Variants in PRKCH observed in about 807,000 individuals in gnomAD.
The protein encoded by PRKCH is protein kinase C eta.
In PRKCH, 28 loss-of-function variants were observed where a neutral mutation model predicts 82.5. The observed-to-expected ratio is 0.34, with a 90% CI of 0.25 to 0.47. PRKCH has a LOEUF of 0.47. Among genes scored for constraint, PRKCH ranks in the 20% least tolerant of loss-of-function variants. The pLI is 1.00. For missense variants in PRKCH, 705 were observed against 881.8 expected (o/e 0.80, Z 2.54); for synonymous variants, 322 against 327.4 (o/e 0.98, Z 0.18).
intron 4 of PRKCH, among the ~76,000 whole-genome samples, chr14:61,447,211 T>C (rs1884268406): frequency 6.6e-6 from 1 of 152,266 alleles, no homozygotes; most frequent in Admixed American, 6.5e-5. Context: ...CATTTTTATT[T>C]GTTTTGTTTT....
At chr14:61,222,888 T>G (rs2044666073) in intron 1 of PRKCH, among the ~76,000 whole-genome samples, 2 of 152,202 alleles carry the variant, frequency 1.3e-5, no homozygotes, top group African/African-American at 4.8e-5. Flanking sequence ...TGTTTCCACA[T>G]TTTATTCCCA....
intron 2 of PRKCH, among the ~76,000 whole-genome samples, chr14:61,393,904 C>G (rs1379541008): frequency 6.6e-6 from 1 of 152,220 alleles, no homozygotes; most frequent in Non-Finnish European, 1.5e-5. Context: ...CAGATTCTCT[C>G]TAGTTTGTAT....
At chr14:61,334,044 G>C (rs2045822301) in intron 1 of PRKCH, among the ~76,000 whole-genome samples, 1 of 152,134 alleles carries the variant, frequency 6.6e-6, no homozygotes, top group South Asian at 2.1e-4. Flanking sequence ...TGGAAACTGA[G>C]CTGAATGGAG....
intron 9 of PRKCH, among the ~76,000 whole-genome samples, chr14:61,474,809 C>G (rs1382102834): frequency 6.6e-6 from 1 of 152,146 alleles, no homozygotes; most frequent in African/African-American, 2.4e-5. Flanking sequence ...TTTGTCATGG[C>G]TACAGTGGAG....
chr14:61,368,408 A>G lies in PRKCH; in HGVS notation c.364-22817A>G, dbSNP rs553995406. ...GACAGGGAAAAGGCCCTGTACTGCC[A>G]TGTCCTCCCCTCTGGCTGCTTCATG... On this transcript the variant is annotated intron_variant, in intron 1 of 13. Transcript: ENST00000332981. Among the ~76,000 whole-genome samples the G allele has an allele frequency of 2.8e-3, 426 of 151,916 alleles. 4 individuals are homozygous for G. The highest frequency in any genetic ancestry group is 9.5e-3 in the African/African-American group (394 of 41,370).
At chr14:61,518,669 G>A (rs1260577196) in intron 10 of PRKCH, among the ~76,000 whole-genome samples, 1 of 152,122 alleles carries the variant, frequency 6.6e-6, no homozygotes, top group Non-Finnish European at 1.5e-5. Context: ...CTCAACTTAA[G>A]TTGGTCCTGT....
At position 61,549,763 on chromosome 14, in the gene PRKCH, C is replaced by T. The variant is rs1198214032; in HGVS notation, c.1984C>T (p.His662Tyr). ...EPVLTPIDEG[H>Y]LPMINQDEFR... ...AGTTTTAACTCCAATTGATGAGGGA[C>T]ATCTTCCAATGATTAACCAGGATGA... The change falls in exon 14 of 14, where the codon CAT becomes TAT. Residue 662 changes from histidine (H) to tyrosine (Y), a missense_variant. His to Tyr is a moderately conservative substitution (Grantham distance 83). Around this residue, in one of 5 missense-constraint regions of PRKCH, gnomAD observed 91 missense variants for 81.2 expected, o/e 1.12. Coordinates refer to ENST00000332981, the MANE Select transcript of PRKCH (RefSeq NM_006255.5). The T allele has an allele frequency of 1.2e-6, 2 of 1,613,970 alleles. No individual in the cohort carries two copies. The highest frequency in any genetic ancestry group is 2.2e-5 in the South Asian group (2 of 91,072).
rs553975549 is a variant in PRKCH at position 61,329,280 on chromosome 14, A to G, written c.363+6816A>G. Among the ~76,000 whole-genome samples the G allele has an allele frequency of 2.8e-3, 299 of 107,582 alleles. 1 individual carries two copies. Among genetic ancestry groups the G allele is most frequent in the Middle Eastern group, 0.012 (1 of 84 alleles). The allele number at this position is 107,582 out of a possible 152,430, so 70.6% of individuals were successfully genotyped here. A position where few individuals can be genotyped will look rare whatever the true frequency, so the allele number is the denominator to read the frequency against. Reference sequence around the variant, plus strand: ...GAGACAGAATCTCTCTCTGTTGCCCAGGCTGGAGTACAGTGGCACGATCTC... The same window carrying G: ...GAGACAGAATCTCTCTCTGTTGCCCGGGCTGGAGTACAGTGGCACGATCTC... On this transcript the variant is annotated intron_variant, in intron 1 of 13. Coordinates refer to ENST00000332981, the MANE Select transcript of PRKCH (RefSeq NM_006255.5).
At chr14:61,234,200 G>A (rs769291721) in intron 1 of PRKCH, among the ~76,000 whole-genome samples, 2 of 152,124 alleles carry the variant, frequency 1.3e-5, no homozygotes, top group Non-Finnish European at 2.9e-5. Context: ...CCCCTATTAG[G>A]TCTTTAGAAA....
At chr14:61,507,338 T>C (rs541885457) in intron 10 of PRKCH, among the ~76,000 whole-genome samples, 1 of 152,072 alleles carries the variant, frequency 6.6e-6, no homozygotes, top group South Asian at 2.1e-4. Context: ...TTGGTGGAAA[T>C]GTAAATTGGT....
intron 1 of PRKCH, among the ~76,000 whole-genome samples, chr14:61,206,807 A>G (rs2044527697): frequency 6.7e-6 from 1 of 148,556 alleles, no homozygotes; most frequent in Admixed American, 6.6e-5. Flanking sequence ...GATTAGAAAA[A>G]GAAAAAAAAA....
At chr14:61,263,828 AG>A (rs2045071160) in intron 1 of PRKCH, among the ~76,000 whole-genome samples, 1 of 150,734 alleles carries the variant, frequency 6.6e-6, no homozygotes, top group South Asian at 2.1e-4. Context: ...TCTAAGGAAA[AG>A]CATCTGAAGT....
chr14:61,267,391 C>T (rs561884083), intron 1 of PRKCH, among the ~76,000 whole-genome samples: 68 of 152,304 alleles, frequency 4.5e-4, no homozygotes, highest in South Asian at 2.5e-3. Flanking sequence ...AATATTCTCA[C>T]TCTTCTGACA....
chr14:61,352,658 AAGAGAG>A (rs113969377), intron 1 of PRKCH, among the ~76,000 whole-genome samples: 50 of 139,042 alleles, frequency 3.6e-4, no homozygotes, highest in African/African-American at 6.5e-4. Context: ...GAAAGAAAGA[AAGAGAG>A]AGAGAGAGAG....
intron 2 of PRKCH, among the ~76,000 whole-genome samples, chr14:61,409,792 A>G (rs996179413): frequency 1.6e-4 from 24 of 150,864 alleles, no homozygotes; most frequent in Non-Finnish European, 8.9e-5. Flanking sequence ...AGTAGATTGT[A>G]TATGCTACTT....
chr14:61,225,443 G>A (rs775006977), intron 1 of PRKCH, among the ~76,000 whole-genome samples: 17 of 152,190 alleles, frequency 1.1e-4, no homozygotes, highest in Middle Eastern at 3.2e-3. Context: ...TGGACTGGAT[G>A]GACCCAAGCA....
At chr14:61,451,000 C>G (rs1884484646) in intron 6 of PRKCH, 29 bp downstream of exon 6, 1 of 1,610,694 alleles carries the variant, frequency 6.2e-7, no homozygotes. Context: ...GGGTACCCAC[C>G]TCTTCATGGG....
At chr14:61,461,198 C>T (rs1339350288) in intron 9 of PRKCH, among the ~76,000 whole-genome samples, 1 of 152,126 alleles carries the variant, frequency 6.6e-6, no homozygotes, top group Admixed American at 6.5e-5. Flanking sequence ...TCCTTGGTTC[C>T]CCTGGAGCTC....
chr14:61,477,391 A>G (rs774928397), intron 9 of PRKCH: 1 of 152,208 alleles, frequency 6.6e-6, no homozygotes, highest in Non-Finnish European at 1.5e-5. Flanking sequence ...TATGGTGGCT[A>G]TTTCCTACTG....
Sources: allele counts gnomAD v4.1 joint callset (sites outside exome capture counted in the v4.1 genomes callset), GRCh38; gene constraint gnomAD v4.1.1; regional missense constraint gnomAD v4.1.1; transcripts MANE v1.5; gene names NCBI Gene and HGNC (gene_info 2026-07-23, HGNC 2026-07-21).